Variants in DSE observed in about 807,000 individuals in gnomAD.
The protein encoded by DSE is dermatan-sulfate epimerase.
Under a neutral mutation model 84.4 loss-of-function variants are expected in DSE, and 36 were observed. The observed-to-expected ratio is 0.43, with a 90% CI of 0.33 to 0.56. DSE has a LOEUF of 0.56. Ranked by LOEUF, DSE falls within the 20% of genes least tolerant of loss-of-function variation. The pLI is 0.06. For missense variants in DSE, 862 were observed against 1,169.6 expected, an observed-to-expected ratio of 0.74 and a Z score of 3.84; for synonymous variants, 410 against 430.1, an observed-to-expected ratio of 0.95 and a Z score of 0.58.
chr6:116,320,721 G>C (rs1776255240), intron 2 of DSE, among the ~76,000 whole-genome samples: 1 of 152,046 alleles, frequency 6.6e-6, no homozygotes, highest in African/African-American at 2.4e-5. Context: ...TTTTCTCTGT[G>C]CATGCACATC....
chr6:116,273,827 T>C (rs946012724), intron 2 of DSE, among the ~76,000 whole-genome samples: 12 of 82,706 alleles, frequency 1.5e-4, no homozygotes, highest in African/African-American at 3.2e-4. Context: ...AAAAAGTATG[T>C]TTTTTTGTTT....
intron 2 of DSE, among the ~76,000 whole-genome samples, chr6:116,360,733 G>T (rs1778840044): frequency 6.6e-6 from 1 of 152,172 alleles, no homozygotes; most frequent in Admixed American, 6.5e-5. Context: ...GCACTTTAAA[G>T]ATGATAGTTA....
At chr6:116,289,677 TA>T (rs2114669602) in intron 2 of DSE, among the ~76,000 whole-genome samples, 1 of 152,226 alleles carries the variant, frequency 6.6e-6, no homozygotes, top group African/African-American at 2.4e-5. Flanking sequence ...CCTCTTGTTT[TA>T]AAACAAAATT....
At chr6:116,388,403 A>G (rs1416815878) in intron 1 of DSE, among the ~76,000 whole-genome samples, 1 of 152,202 alleles carries the variant, frequency 6.6e-6, no homozygotes, top group Non-Finnish European at 1.5e-5. Context: ...CTCTTCTGGA[A>G]ACACCCTCAT....
chr6:116,362,013 C>T (rs1041660361), intron 2 of DSE, among the ~76,000 whole-genome samples: 3 of 151,896 alleles, frequency 2.0e-5, no homozygotes, highest in Non-Finnish European at 4.4e-5. Context: ...AAATATATAC[C>T]GTTTTAGACT....
At chr6:116,408,253 T>A (rs1311530209) in intron 2 of DSE, among the ~76,000 whole-genome samples, 1 of 152,182 alleles carries the variant, frequency 6.6e-6, no homozygotes, top group Non-Finnish European at 1.5e-5. Flanking sequence ...ATACCCACCC[T>A]CCAGTGTGAT....
rs1446725204 is a variant in DSE at position 116,441,838 on chromosome 6, A to T, written c.*4493A>T. 2 of 152,252 alleles carry T rather than the reference A, an allele frequency of 1.3e-5. No individual in the cohort carries two copies. Among genetic ancestry groups the T allele is most frequent in the African/African-American group, 4.8e-5 (2 of 41,472 alleles). 9.4% of individuals were successfully genotyped at this position (152,252 alleles called of 1,614,324 possible). On this transcript the variant is annotated 3_prime_UTR_variant, in exon 6 of 6. Transcript: ENST00000644252. Reference sequence around the variant, plus strand: ...ACGAATGACAATAACATGTTTACAGAGCATCTACTATATGCCAAGTATTGT... The same window carrying T: ...ACGAATGACAATAACATGTTTACAGTGCATCTACTATATGCCAAGTATTGT...
chr6:116,425,613 A>T (rs4946164), intron 2 of DSE, among the ~76,000 whole-genome samples: 7 of 83,146 alleles, frequency 8.4e-5, no homozygotes, highest in Non-Finnish European at 9.9e-5. Flanking sequence ...TATTTTATTT[A>T]TTTTTATTTT....
chr6:116,400,400 A>G (rs1781519501), intron 2 of DSE: 2 of 152,218 alleles, frequency 1.3e-5, no homozygotes, highest in South Asian at 4.1e-4. Context: ...TTTATGGTTC[A>G]ATTGCAATAA....
chr6:116,296,067 G>A (rs781438334), intron 2 of DSE, among the ~76,000 whole-genome samples: 1 of 152,054 alleles, frequency 6.6e-6, no homozygotes, highest in African/African-American at 2.4e-5. Context: ...TCTACATACT[G>A]GGGATATATA....
At chr6:116,372,562 C>A (rs1399652151) in intron 1 of DSE, among the ~76,000 whole-genome samples, 4 of 152,066 alleles carry the variant, frequency 2.6e-5, no homozygotes, top group Admixed American at 6.6e-5. Context: ...TCACAAAAAA[C>A]CTAATGTGCA....
chr6:116,332,076 T>A (rs1776978889), intron 2 of DSE, among the ~76,000 whole-genome samples: 1 of 152,244 alleles, frequency 6.6e-6, no homozygotes, highest in South Asian at 2.1e-4. Flanking sequence ...AGCAACCTTG[T>A]TAAACTCAAT....
intron 2 of DSE, among the ~76,000 whole-genome samples, chr6:116,311,205 G>A (rs981957158): frequency 1.3e-5 from 2 of 152,140 alleles, no homozygotes; most frequent in African/African-American, 2.4e-5. Context: ...GGAACACCTT[G>A]TCCTTCTTTA....
intron 2 of DSE, among the ~76,000 whole-genome samples, chr6:116,350,149 T>A (rs1478221710): frequency 6.6e-6 from 1 of 152,228 alleles, no homozygotes; most frequent in African/African-American, 2.4e-5. Context: ...ATCTTGCTTT[T>A]TTCTATGTCA....
intron 2 of DSE, among the ~76,000 whole-genome samples, chr6:116,321,824 T>C (rs1776344014): frequency 6.6e-6 from 1 of 152,150 alleles, no homozygotes; most frequent in African/African-American, 2.4e-5. Context: ...AGTGTCTGCC[T>C]TCTCCCCTAT....
intron 2 of DSE, among the ~76,000 whole-genome samples, chr6:116,299,502 T>TA (rs1774867621): frequency 1.9e-4 from 9 of 47,534 alleles, no homozygotes; most frequent in Admixed American, 4.8e-4. Flanking sequence ...CTTGAATTAT[T>TA]TTTATATATA....
At chr6:116,330,718 A>G (rs937218825) in intron 2 of DSE, among the ~76,000 whole-genome samples, 2 of 152,206 alleles carry the variant, frequency 1.3e-5, no homozygotes, top group Non-Finnish European at 2.9e-5. Flanking sequence ...CACTCATTTT[A>G]AACCTTCCAG....
chr6:116,352,509 C>G (rs775370993), intron 2 of DSE, among the ~76,000 whole-genome samples: 12 of 152,168 alleles, frequency 7.9e-5, no homozygotes, highest in Admixed American at 2.0e-4. Flanking sequence ...GTGCTTGGAG[C>G]AGTGGTTCTC....
chr6:116,286,760 G>A (rs751885781), intron 2 of DSE, among the ~76,000 whole-genome samples: 3 of 152,020 alleles, frequency 2.0e-5, no homozygotes, highest in Non-Finnish European at 4.4e-5. Flanking sequence ...GACTGATATG[G>A]GTATGTTTTA....
Sources: gnomAD v4.1 joint callset for allele counts (sites outside exome capture counted in the v4.1 genomes callset) on GRCh38, gnomAD v4.1.1 for gene constraint, MANE v1.5 for transcripts, NCBI Gene and HGNC (gene_info 2026-07-23, HGNC 2026-07-21) for gene names.